UEVLD: variants seen among roughly 807,000 people sequenced by gnomAD.
UEVLD encodes the protein UEV and lactate/malate dehyrogenase domains.
In UEVLD, 47 loss-of-function variants were observed where a neutral mutation model predicts 58.6. The ratio of observed to expected loss-of-function variants is 0.80; its 90% CI spans 0.63 to 1.02. UEVLD has a LOEUF of 1.02. Among genes scored for constraint, UEVLD ranks in the 50% least tolerant of loss-of-function variants. The probability of loss-of-function intolerance (pLI) is 0.00; values close to 1 mark genes in which losing one functional copy is unlikely to be tolerated. For synonymous variants in UEVLD, 197 were observed against 195.3 expected, an observed-to-expected ratio of 1.01 and a Z score of -0.07; for missense variants, 510 against 550.6, an observed-to-expected ratio of 0.93 and a Z score of 0.74.
intron 6 of UEVLD, among the ~76,000 whole-genome samples, chr11:18,562,660 G>A (rs896227586): frequency 1.3e-5 from 2 of 152,056 alleles, no homozygotes; most frequent in South Asian, 4.2e-4. Context: ...AGTGCTGGGA[G>A]TACAGGTGTA....
At chr11:18,547,168 TA>T in intron 7 of UEVLD, 118 bp from the exon 8 acceptor site, 1 of 968,762 alleles carries the variant, frequency 1.0e-6, no homozygotes, top group Non-Finnish European at 1.5e-6. Flanking sequence ...CGCCTCCCCA[TA>T]AATCAACCCC....
chr11:18,538,241 G>T (rs944209858), intron 9 of UEVLD, among the ~76,000 whole-genome samples: 2 of 151,978 alleles, frequency 1.3e-5, no homozygotes, highest in Non-Finnish European at 2.9e-5. Flanking sequence ...CAGAGTGCAG[G>T]GACCATGTAT....
chr11:18,548,630 T>C (rs1246554043), intron 7 of UEVLD, among the ~76,000 whole-genome samples: 1 of 152,176 alleles, frequency 6.6e-6, no homozygotes, highest in East Asian at 1.9e-4. Flanking sequence ...TTTCTACATG[T>C]TGGTGAGGTT....
chr11:18,559,923 A>G (rs1022088355), intron 6 of UEVLD, among the ~76,000 whole-genome samples: 1 of 152,062 alleles, frequency 6.6e-6, no homozygotes, highest in African/African-American at 2.4e-5. Context: ...AAAGTACCCA[A>G]AGATCTACCA....
chr11:18,569,343 T>G (rs1275907640), intron 4 of UEVLD, among the ~76,000 whole-genome samples: 1 of 152,204 alleles, frequency 6.6e-6, no homozygotes, highest in Non-Finnish European at 1.5e-5. Context: ...GAAAAGGTAC[T>G]GTAAAATAGG....
chr11:18,561,634 G>C (rs916454180), intron 6 of UEVLD, among the ~76,000 whole-genome samples: 10 of 152,136 alleles, frequency 6.6e-5, no homozygotes, highest in African/African-American at 2.2e-4. Flanking sequence ...CTGAGGTCAG[G>C]AGCTCAAGAC....
chr11:18,539,747 G>A (rs915198181), intron 9 of UEVLD, among the ~76,000 whole-genome samples: 2 of 152,184 alleles, frequency 1.3e-5, no homozygotes, highest in Non-Finnish European at 2.9e-5. Flanking sequence ...CTAAGTTAAG[G>A]AGGCATGAGA....
intron 6 of UEVLD, among the ~76,000 whole-genome samples, chr11:18,559,803 C>G (rs894213890): frequency 6.6e-6 from 1 of 152,094 alleles, no homozygotes; most frequent in Non-Finnish European, 1.5e-5. Context: ...AGTGGGCTGA[C>G]TGTAAATAAC....
At chr11:18,536,834 T>C in intron 9 of UEVLD, 1 of 191,354 alleles carries the variant, frequency 5.2e-6, no homozygotes. Flanking sequence ...TAGGGAATAA[T>C]CTGGTCACCT....
rs1440717006 is a variant in UEVLD at position 18,558,325 on chromosome 11, A to G, written c.618T>C (p.Ile206=). ...ACTLAISAKG[I]ADRLVLLDLS... is the part of the protein sequence containing the mutation. ...GGTCTAAGAGGACAAGCCTGTCTGC[A>G]ATACCCTGTACAGTAAGAGAAAGAA... The change falls in exon 7 of 12, where the codon ATT becomes ATC. Residue 206 remains isoleucine (I), a synonymous_variant. Coordinates refer to ENST00000396197, the MANE Select transcript of UEVLD (RefSeq NM_001040697.4). 6.2e-7 allele frequency: 1 copy of G among 1,607,374 alleles called. No homozygotes were observed.
intron 1 of UEVLD, among the ~76,000 whole-genome samples, chr11:18,585,828 T>A (rs1331920864): frequency 6.6e-6 from 1 of 152,092 alleles, no homozygotes; most frequent in Non-Finnish European, 1.5e-5. Context: ...AGAGACGAGG[T>A]TTCACCATGT....
At chr11:18,585,892 C>CCT (rs1449814083) in intron 1 of UEVLD, among the ~76,000 whole-genome samples, 1 of 152,338 alleles carries the variant, frequency 6.6e-6, no homozygotes, top group African/African-American at 2.4e-5. Flanking sequence ...ACCTCGGCCT[C>CCT]CCGAAGTGCT....
At chr11:18,538,120 A>T (rs1239829662) in intron 9 of UEVLD, among the ~76,000 whole-genome samples, 2 of 152,208 alleles carry the variant, frequency 1.3e-5, no homozygotes, top group Non-Finnish European at 2.9e-5. Flanking sequence ...TATGTTTAAG[A>T]TACAAGAATT....
rs1456560300 is a variant in UEVLD, at chr11:18,578,728, G to A, written c.123C>T (p.Thr41=). ...ACTAGAGGATATGATTCTTACCATA[G>A]GTGTCCATGGAATATTTGAAATGTG... ...FFPHFKYSMD[T]YVFKDSSQKD... is the part of the protein sequence containing the mutation. The change falls in exon 2 of 12, where the codon ACC becomes ACT. Residue 41 remains threonine (T), a synonymous_variant. Coordinates refer to ENST00000396197, the MANE Select transcript of UEVLD (RefSeq NM_001040697.4). The A allele has an allele frequency of 6.2e-7, 1 of 1,600,448 alleles. No homozygotes were observed. Among genetic ancestry groups the A allele is most frequent in the Non-Finnish European group, 8.5e-7 (1 of 1,171,174 alleles).
chr11:18,550,968 T>C (rs1380718815), intron 7 of UEVLD, among the ~76,000 whole-genome samples: 3 of 152,170 alleles, frequency 2.0e-5, no homozygotes, highest in Admixed American at 6.6e-5. Flanking sequence ...TTGGTTAGCA[T>C]TGCTCCACAG....
At chr11:18,534,262 A>AT in intron 11 of UEVLD, 68 bp downstream of exon 11, 1 of 1,222,122 alleles carries the variant, frequency 8.2e-7, no homozygotes, top group South Asian at 1.9e-5. Flanking sequence ...ATGAATAATG[A>AT]TTTTGTTAGT....
chr11:18,560,888 G>A (rs1851999214), intron 6 of UEVLD, among the ~76,000 whole-genome samples: 1 of 152,102 alleles, frequency 6.6e-6, no homozygotes, highest in Non-Finnish European at 1.5e-5. Context: ...GCGCATGCTT[G>A]TAGTCCCAGC....
intron 6 of UEVLD, among the ~76,000 whole-genome samples, chr11:18,561,322 G>A (rs992454969): frequency 1.3e-5 from 2 of 152,172 alleles, no homozygotes; most frequent in African/African-American, 4.8e-5. Flanking sequence ...GGCCAGGCAC[G>A]GTGGCTCATG....
At chr11:18,560,415 T>C (rs1296522944) in intron 6 of UEVLD, among the ~76,000 whole-genome samples, 1 of 152,188 alleles carries the variant, frequency 6.6e-6, no homozygotes, top group Non-Finnish European at 1.5e-5. Context: ...TATTCTTACA[T>C]ATTATGGGTA....
Sources: gnomAD v4.1 joint callset for allele counts (sites outside exome capture counted in the v4.1 genomes callset) on GRCh38, gnomAD v4.1.1 for gene constraint, MANE v1.5 for transcripts, NCBI Gene and HGNC (gene_info 2026-07-23, HGNC 2026-07-21) for gene names.